LY86: variants seen among roughly 807,000 people sequenced by gnomAD.
The protein encoded by LY86 is MD-1, RP105-associated.
In LY86, 20 loss-of-function variants were observed where a neutral mutation model predicts 17.3. The ratio of observed to expected loss-of-function variants is 1.15; its 90% confidence interval spans 0.81 to 1.68. LY86 has a LOEUF of 1.68. LY86 is among the 40% of genes most tolerant of loss of function. The pLI is 0.00. For synonymous variants in LY86, 74 were observed against 70.6 expected (o/e 1.05, Z -0.24); for missense variants, 200 against 191.9 (o/e 1.04, Z -0.25).
At chr6:6,589,163 G>C (rs1477416416) in intron 1 of LY86, among the ~76,000 whole-genome samples, 1 of 152,286 alleles carries the variant, frequency 6.6e-6, no homozygotes, top group Non-Finnish European at 1.5e-5. Flanking sequence ...AGAACAAAAT[G>C]ATCAGTGAGT....
intron 1 of LY86, among the ~76,000 whole-genome samples, chr6:6,612,429 A>G (rs1761393084): frequency 2.0e-5 from 3 of 152,226 alleles, no homozygotes; most frequent in Admixed American, 2.0e-4. Flanking sequence ...TCATAAAAGA[A>G]ACCGCAAACC....
intron 1 of LY86, among the ~76,000 whole-genome samples, chr6:6,589,428 G>T (rs900844638): frequency 6.6e-6 from 1 of 152,222 alleles, no homozygotes; most frequent in African/African-American, 2.4e-5. Context: ...CTCAGTGCTA[G>T]AGATAATAAA....
chr6:6,635,574 G>C (rs571637794), intron 3 of LY86, among the ~76,000 whole-genome samples: 6 of 152,168 alleles, frequency 3.9e-5, no homozygotes, highest in African/African-American at 1.4e-4. Context: ...TGTTTTCTAG[G>C]GTATCACCTA....
intron 1 of LY86, among the ~76,000 whole-genome samples, chr6:6,611,039 G>A (rs967633699): frequency 1.3e-5 from 2 of 152,220 alleles, no homozygotes; most frequent in African/African-American, 4.8e-5. Context: ...TGTCCTTCCA[G>A]GGGTGATTCT....
chr6:6,604,149 C>A (rs1428695461), intron 1 of LY86, among the ~76,000 whole-genome samples: 1 of 152,040 alleles, frequency 6.6e-6, no homozygotes, highest in Non-Finnish European at 1.5e-5. Flanking sequence ...GGGTCATATA[C>A]CCTCAATTCA....
At position 6,612,284 on chromosome 6, in the gene LY86, C is replaced by A. The variant is rs181284311; in HGVS notation, c.137-12642C>A. Among the ~76,000 whole-genome samples, 11 of 152,322 alleles carry A rather than the reference C, an allele frequency of 7.2e-5. No individual in the cohort carries two copies. In the East Asian group the frequency reaches 2.1e-3, roughly 29 times the overall value. ...GTTCAGATGTGTTCTGAGTTTCTTT[C>A]TCGTGGGTTAGTGGCCTTGCTAACT... On this transcript the variant is annotated intron_variant, in intron 1 of 4. Coordinates refer to ENST00000230568, the MANE Select transcript of LY86 (RefSeq NM_004271.4).
chr6:6,597,961 C>T (rs1326755843), intron 1 of LY86, among the ~76,000 whole-genome samples: 1 of 152,238 alleles, frequency 6.6e-6, no homozygotes, highest in African/African-American at 2.4e-5. Flanking sequence ...AAATCTAGAA[C>T]AGAATTATCA....
At chr6:6,612,335 C>T (rs2326811) in intron 1 of LY86, among the ~76,000 whole-genome samples, 46,929 of 152,168 alleles carry the variant, frequency 0.31, 7,424 homozygotes, top group Middle Eastern at 0.45. Context: ...CAGACCCTCG[C>T]AGTAAGCATT....
chr6:6,649,683 A>C lies in LY86; in HGVS notation c.405+6A>C, dbSNP rs894788659. 6.6e-7 allele frequency: 1 copy of C among 1,520,116 alleles called. No homozygotes were observed. The highest frequency in any genetic ancestry group is 1.7e-5 in the Admixed American group (1 of 58,976). The allele number at this position is 1,520,116 out of a possible 1,614,324, so 94.2% of individuals were successfully genotyped here. ...CTGAATTTACTATTCCTCAGGTAAGATATTACTTACTTCTTGTATTAAATA... is the reference window on the plus strand; with the variant it reads ...CTGAATTTACTATTCCTCAGGTAAGCTATTACTTACTTCTTGTATTAAATA... On this transcript the variant is annotated splice_donor_region_variant and intron_variant, in intron 4 of 4. Coordinates refer to ENST00000230568, the MANE Select transcript of LY86 (RefSeq NM_004271.4).
chr6:6,639,830 A>G (rs1762013407), intron 3 of LY86, among the ~76,000 whole-genome samples: 1 of 152,156 alleles, frequency 6.6e-6, no homozygotes, highest in Admixed American at 6.6e-5. Context: ...GGGGTCCTGC[A>G]CAACCCCCAA....
rs369059581 is a variant in LY86, at chr6:6,588,740, G to A, written c.6G>A (p.Lys2=). 5 of 1,614,066 alleles carry A rather than the reference G, an allele frequency of 3.1e-6. No individual in the cohort carries two copies. Among genetic ancestry groups the A allele is most frequent in the East Asian group, 2.2e-5 (1 of 44,888 alleles). The part of the protein sequence containing the change: M[K]GFTATLFLWT... The stretch of plus-strand genomic sequence containing the variant: ...GTCCCATACAGGCCCCCACCATGAA[G>A]GGTTTCACAGCCACTCTCTTCCTCT... Residue 2 remains lysine (K), a synonymous_variant, in exon 1 of 5, where the codon AAG becomes AAA. Coordinates refer to ENST00000230568, the MANE Select transcript of LY86 (RefSeq NM_004271.4).
intron 3 of LY86, among the ~76,000 whole-genome samples, chr6:6,644,903 TA>T (rs199890442): frequency 9.9e-5 from 15 of 150,886 alleles, no homozygotes; most frequent in African/African-American, 3.4e-4. Flanking sequence ...TTTATCAGGT[TA>T]AAAAAAAAGA....
intron 1 of LY86, among the ~76,000 whole-genome samples, chr6:6,612,709 C>T (rs867309978): frequency 6.6e-6 from 1 of 152,192 alleles, no homozygotes; most frequent in Non-Finnish European, 1.5e-5. Flanking sequence ...GTCGCGTTTA[C>T]AATCCCTGAG....
intron 3 of LY86, among the ~76,000 whole-genome samples, chr6:6,631,441 C>A (rs11961398): frequency 0.18 from 26,890 of 152,056 alleles, 2,996 homozygotes; most frequent in African/African-American, 0.33. Context: ...CCACTAAGAC[C>A]GGAAAAAGAT....
rs954091736 is a variant in LY86, at chr6:6,624,989, A to G, written c.200A>G (p.Asn67Ser). 2 of 1,538,524 alleles carry G rather than the reference A, an allele frequency of 1.3e-6. No individual in the cohort carries two copies. Among genetic ancestry groups the G allele is most frequent in the African/African-American group, 1.4e-5 (1 of 73,410 alleles). The change falls in exon 2 of 5, where the codon AAC becomes AGC. Residue 67 changes from asparagine (N) to serine (S), a missense_variant. Coordinates refer to ENST00000230568, the MANE Select transcript of LY86 (RefSeq NM_004271.4). ...TCCAAGCAATTAAAATCAAATATCA[A>G]CATTAGATTTGGAATTATTCTGAGT... The part of the protein sequence containing the change: ...KCSKQLKSNI[N>S]IRFGIILRED...
rs761935131 is a variant in LY86, at chr6:6,625,041, T to C, written c.223+29T>C. 13 of 1,053,166 alleles carry C rather than the reference T, an allele frequency of 1.2e-5. No homozygotes were observed. The South Asian group carries it at 1.7e-4, about 13-fold the overall frequency. 65.2% of individuals were successfully genotyped at this position (1,053,166 alleles called of 1,614,324 possible). ...AGTAAAAAAAATGATTAGCATGAAA[T>C]AAAACATTGCACAGCCTCTTCCAAC... On this transcript the variant is annotated intron_variant, in intron 2 of 4. Coordinates refer to ENST00000230568, the MANE Select transcript of LY86 (RefSeq NM_004271.4).
chr6:6,611,964 C>A (rs909790), intron 1 of LY86, among the ~76,000 whole-genome samples: 95,921 of 152,032 alleles, frequency 0.63, 31,136 homozygotes, highest in East Asian at 0.94. Flanking sequence ...AAGCAATCTA[C>A]TTGAAAGGAT....
chr6:6,627,165 G>T (rs1761804763), intron 3 of LY86, among the ~76,000 whole-genome samples: 1 of 151,842 alleles, frequency 6.6e-6, no homozygotes, highest in Non-Finnish European at 1.5e-5. Flanking sequence ...CCCCTCCCAG[G>T]GTCTCCTTCC....
At chr6:6,654,254 C>G (rs1762228268) in intron 4 of LY86, among the ~76,000 whole-genome samples, 1 of 152,234 alleles carries the variant, frequency 6.6e-6, no homozygotes, top group African/African-American at 2.4e-5. Context: ...AAATTGCAGA[C>G]CAGCACTTGC....
Sources: allele counts gnomAD v4.1 joint callset (sites outside exome capture counted in the v4.1 genomes callset), GRCh38; gene constraint gnomAD v4.1.1; transcripts MANE v1.5; gene names NCBI Gene and HGNC (gene_info 2026-07-23, HGNC 2026-07-21).